Variants in CD163L1 observed in about 807,000 individuals in gnomAD.
CD163L1 encodes scavenger receptor cysteine-rich type 1 protein M160.
In CD163L1, 124 loss-of-function variants were observed where a neutral mutation model predicts 165.4. The observed-to-expected ratio is 0.75, with a 90% CI of 0.65 to 0.87. The LOEUF (loss-of-function observed/expected upper bound fraction) is 0.87, where lower values mean the gene tolerates loss of function less well. Ranked by LOEUF, CD163L1 falls within the 40% of genes least tolerant of loss-of-function variation. The pLI is 0.00. For missense variants in CD163L1, 1,525 were observed against 1,799.9 expected (o/e 0.85, Z 2.76); for synonymous variants, 585 against 662.2 (o/e 0.88, Z 1.79).
chr12:7,421,549 A>G (rs1476792708), intron 4 of CD163L1, among the ~76,000 whole-genome samples: 1 of 135,356 alleles, frequency 7.4e-6, no homozygotes, highest in Non-Finnish European at 1.5e-5. Flanking sequence ...GTACACATAT[A>G]CATATACATA....
intron 4 of CD163L1, among the ~76,000 whole-genome samples, chr12:7,421,464 C>CATATATGT (rs1948396658): frequency 2.6e-5 from 2 of 75,486 alleles, no homozygotes; most frequent in African/African-American, 8.6e-5. Flanking sequence ...TACATATATA[C>CATATATGT]ATATATATAC....
At chr12:7,333,882 A>T in the CD163L1 span, among the ~76,000 whole-genome samples, 1 of 152,240 alleles carries the variant, frequency 6.6e-6, no homozygotes, top group Non-Finnish European at 1.5e-5. Flanking sequence ...ATAAACTAGA[A>T]AATCTAGAAG....
chr12:7,422,936 C>A (rs1053642127), intron 4 of CD163L1, among the ~76,000 whole-genome samples: 10 of 151,872 alleles, frequency 6.6e-5, no homozygotes, highest in Non-Finnish European at 1.3e-4. Context: ...AGAAATTTAA[C>A]AAGGATATTC....
intron 4 of CD163L1, among the ~76,000 whole-genome samples, chr12:7,418,858 G>A (rs1948294832): frequency 6.6e-6 from 1 of 151,806 alleles, no homozygotes; most frequent in South Asian, 2.1e-4. Context: ...CAGACCAATA[G>A]CAAGCAGTGA....
chr12:7,428,831 G>C (rs1948585958), intron 4 of CD163L1, among the ~76,000 whole-genome samples: 1 of 152,062 alleles, frequency 6.6e-6, no homozygotes, highest in Admixed American at 6.6e-5. Context: ...TTCTGCTGCT[G>C]ATGTTCCTTT....
At chr12:7,332,351 A>G in the CD163L1 span, among the ~76,000 whole-genome samples, 1 of 152,204 alleles carries the variant, frequency 6.6e-6, no homozygotes, top group Non-Finnish European at 1.5e-5. Flanking sequence ...CAAGTTGGAA[A>G]ACACTCTGCA....
At chr12:7,397,182 C>T (rs1413272557) in intron 7 of CD163L1, among the ~76,000 whole-genome samples, 2 of 152,108 alleles carry the variant, frequency 1.3e-5, no homozygotes, top group African/African-American at 2.4e-5. Context: ...TCTGAGTGAA[C>T]ATATATTTGA....
intron 2 of CD163L1, chr12:7,439,578 A>T: frequency 1.3e-6 from 2 of 1,589,514 alleles, no homozygotes; most frequent in Non-Finnish European, 1.7e-6. Context: ...GCTGACCGCT[A>T]TCAGAGTTCG....
chr12:7,320,761 C>T, the CD163L1 span: 1 of 1,613,706 alleles, frequency 6.2e-7, no homozygotes, highest in Non-Finnish European at 8.5e-7. Context: ...CCTGTGCAGT[C>T]CTCCCACTGT....
chr12:7,321,085 G>C, the CD163L1 span, among the ~76,000 whole-genome samples: 2 of 152,098 alleles, frequency 1.3e-5, no homozygotes, highest in Non-Finnish European at 2.9e-5. Context: ...GGGCAAAACT[G>C]TTCCCTAGTC....
At chr12:7,440,436 C>G (rs1469798752) in intron 2 of CD163L1, among the ~76,000 whole-genome samples, 1 of 151,644 alleles carries the variant, frequency 6.6e-6, no homozygotes, top group East Asian at 1.9e-4. Flanking sequence ...CCCAGCCCGG[C>G]CCTTGAATTC....
intron 2 of CD163L1, among the ~76,000 whole-genome samples, chr12:7,438,493 C>G (rs868328259): frequency 6.6e-6 from 1 of 152,134 alleles, no homozygotes; most frequent in Non-Finnish European, 1.5e-5. Flanking sequence ...GCTGATGAAG[C>G]TATAAACCTG....
chr12:7,439,266 T>C (rs1433102974), intron 2 of CD163L1: 2 of 1,550,840 alleles, frequency 1.3e-6, no homozygotes, highest in African/African-American at 2.8e-5. Context: ...TGGGATCTTC[T>C]CTTGTTTTCG....
intron 8 of CD163L1, among the ~76,000 whole-genome samples, chr12:7,387,547 ATGAG>A (rs1038896018): frequency 5.9e-5 from 9 of 152,056 alleles, no homozygotes; most frequent in Non-Finnish European, 1.5e-5. Context: ...CCTTTTGATA[ATGAG>A]TGAGTTGTTG....
At chr12:7,327,844 G>A in the CD163L1 span, among the ~76,000 whole-genome samples, 1 of 152,108 alleles carries the variant, frequency 6.6e-6, no homozygotes, top group East Asian at 1.9e-4. Context: ...ACAAAAAGAG[G>A]ATTTTTGTGG....
chr12:7,439,130 T>C, intron 2 of CD163L1: 1 of 1,572,762 alleles, frequency 6.4e-7, no homozygotes, highest in Non-Finnish European at 8.6e-7. Flanking sequence ...GTTTTGTTTC[T>C]CTTCTCTGCT....
chr12:7,373,849 T>C (rs1489144545), intron 13 of CD163L1, among the ~76,000 whole-genome samples: 1 of 152,204 alleles, frequency 6.6e-6, no homozygotes, highest in South Asian at 2.1e-4. Context: ...AAGAATAGTA[T>C]TTGAGCTTTA....
rs372769993 is a variant in CD163L1, at chr12:7,431,288, G to T, written c.766+1128C>A. 1.5e-3 allele frequency among the ~76,000 whole-genome samples: 232 copies of T among 152,010 alleles called. 6 individuals are homozygous for T. The South Asian group carries it at 0.038, about 25-fold the overall frequency. On this transcript the variant is annotated intron_variant, in intron 4 of 19. Transcript: ENST00000313599. ...ATACTGTAGCCGGGCGTGGTTGCGG[G>T]TGCCTGCAGTTCCAGATACTCAGGA...
chr12:7,427,370 C>A (rs932345976), intron 4 of CD163L1, among the ~76,000 whole-genome samples: 5 of 152,048 alleles, frequency 3.3e-5, no homozygotes, highest in African/African-American at 1.2e-4. Flanking sequence ...GGAAAGATAT[C>A]CCATGTTTAT....
Sources: allele counts gnomAD v4.1 joint callset (sites outside exome capture counted in the v4.1 genomes callset), GRCh38; gene constraint gnomAD v4.1.1; transcripts MANE v1.5; gene names NCBI Gene and HGNC (gene_info 2026-07-23, HGNC 2026-07-21).